Variants in ZNF676 observed in about 807,000 individuals in gnomAD.
The protein encoded by ZNF676 is zinc finger protein 676.
In ZNF676, 4 loss-of-function variants were observed where a neutral mutation model predicts 6.0. The observed-to-expected ratio is 0.67, with a 90% CI of 0.33 to 1.53. ZNF676 has a LOEUF of 1.53. Among genes scored for constraint, ZNF676 ranks in the 40% most tolerant of loss-of-function variants. The probability of loss-of-function intolerance (pLI) is 0.06; values close to 1 mark genes in which losing one functional copy is unlikely to be tolerated. For synonymous variants in ZNF676, 198 were observed against 223.1 expected, an observed-to-expected ratio of 0.89 and a Z score of 1.00; for missense variants, 644 against 679.7, an observed-to-expected ratio of 0.95 and a Z score of 0.58.
chr19:22,253,862 C>G, the ZNF676 span, among the ~76,000 whole-genome samples: 1 of 152,104 alleles, frequency 6.6e-6, no homozygotes, highest in African/African-American at 2.4e-5. Context: ...TGTAATGACA[C>G]TTTCTGTACC....
chr19:22,233,311 A>G, the ZNF676 span, among the ~76,000 whole-genome samples: 2 of 143,096 alleles, frequency 1.4e-5, no homozygotes, highest in Non-Finnish European at 3.0e-5. Flanking sequence ...ACCCGGCCCA[A>G]TTTATTTTCT....
chr19:22,192,006 A>C (rs1278239545), intron 2 of ZNF676, among the ~76,000 whole-genome samples: 2 of 152,252 alleles, frequency 1.3e-5, no homozygotes, highest in African/African-American at 4.8e-5. Flanking sequence ...AAAATTTTTA[A>C]GTCACTGAAA....
chr19:22,211,815 T>C (rs1188309097), intron 1 of ZNF676, among the ~76,000 whole-genome samples: 1 of 152,210 alleles, frequency 6.6e-6, no homozygotes, highest in Non-Finnish European at 1.5e-5. Flanking sequence ...ATTAATTCTC[T>C]ATAGCCAAAA....
At chr19:22,223,489 G>T in the ZNF676 span, among the ~76,000 whole-genome samples, 1 of 150,604 alleles carries the variant, frequency 6.6e-6, no homozygotes, top group Non-Finnish European at 1.5e-5. Context: ...TTTTCTTGCT[G>T]TCGGGGGATA....
the ZNF676 span, among the ~76,000 whole-genome samples, chr19:22,240,324 G>A: frequency 6.6e-6 from 1 of 151,850 alleles, no homozygotes; most frequent in Non-Finnish European, 1.5e-5. Context: ...GCTGGGCCCA[G>A]TGATATGTCT....
chr19:22,242,580 T>C, the ZNF676 span, among the ~76,000 whole-genome samples: 3 of 151,998 alleles, frequency 2.0e-5, no homozygotes, highest in Non-Finnish European at 4.4e-5. Flanking sequence ...GGAGAAAAGA[T>C]TCACATAACT....
chr19:22,236,213 C>T, the ZNF676 span, among the ~76,000 whole-genome samples: 5 of 152,084 alleles, frequency 3.3e-5, no homozygotes, highest in East Asian at 9.7e-4. Context: ...CCTAATAGCC[C>T]TCACCCTACT....
At chr19:22,185,632 T>A (rs1208212235) in intron 2 of ZNF676, among the ~76,000 whole-genome samples, 3 of 151,940 alleles carry the variant, frequency 2.0e-5, no homozygotes, top group Non-Finnish European at 4.4e-5. Flanking sequence ...CTAAGAACCT[T>A]GAAAAAAGGT....
intron 1 of ZNF676, among the ~76,000 whole-genome samples, chr19:22,206,390 C>A (rs962775717): frequency 2.7e-4 from 41 of 152,122 alleles, no homozygotes; most frequent in Admixed American, 1.0e-3. Context: ...CTTCAACAAA[C>A]AGCTGGGCCC....
the ZNF676 span, chr19:22,245,126 T>C: frequency 2.0e-5 from 3 of 152,156 alleles, no homozygotes; most frequent in Non-Finnish European, 4.4e-5. Flanking sequence ...TCCAGTAATA[T>C]GTCAAAATTC....
intron 2 of ZNF676, among the ~76,000 whole-genome samples, chr19:22,187,573 A>G (rs1351832911): frequency 6.6e-6 from 1 of 152,056 alleles, no homozygotes; most frequent in Non-Finnish European, 1.5e-5. Context: ...CAGTGAATCC[A>G]GGAGCTATTT....
the ZNF676 span, among the ~76,000 whole-genome samples, chr19:22,257,433 T>A: frequency 6.6e-6 from 1 of 152,126 alleles, no homozygotes; most frequent in East Asian, 1.9e-4. Context: ...AAGAGGTGAG[T>A]CACATCACTA....
chr19:22,181,131 G>T lies in ZNF676; in HGVS notation c.586C>A (p.Pro196Thr), dbSNP rs2023741036. 4 of 1,613,766 alleles carry T rather than the reference G, an allele frequency of 2.5e-6. No individual in the cohort carries two copies. Among genetic ancestry groups the T allele is most frequent in the Non-Finnish European group, 3.4e-6 (4 of 1,179,928 alleles). The change falls in exon 3 of 3, where the codon CCC (proline) becomes ACC (threonine). Residue 196 changes from proline to threonine, a missense_variant. Physicochemically the swap from Pro to Thr is conservative, Grantham distance 38 (BLOSUM62 -1). This residue lies in a region of ZNF676 where 280 missense variants were observed against 269.3 expected (regional missense o/e 1.04). Coordinates refer to ENST00000397121, the MANE Select transcript of ZNF676 (RefSeq NM_001001411.3). ...TTGCCACATTCTTCACATTTGTAGG[G>T]TTTCTCTCCAGTATGAATACTCTTA... is the stretch of plus-strand genomic sequence containing the variant. ...YYKSIHTGEK[P>T]YKCEECGKAF...
chr19:22,254,949 G>A, the ZNF676 span, among the ~76,000 whole-genome samples: 675 of 152,322 alleles, frequency 4.4e-3, 4 homozygotes, highest in African/African-American at 0.014. Context: ...GGGAAGAGCT[G>A]TATGATACAA....
At chr19:22,200,901 C>T (rs553223295), upstream of ZNF676, among the ~76,000 whole-genome samples, 1 of 152,058 alleles carries the variant, frequency 6.6e-6, no homozygotes, top group South Asian at 2.1e-4. Context: ...ATTAGTTTAT[C>T]TCTTTGAGCC....
the ZNF676 span, among the ~76,000 whole-genome samples, chr19:22,242,255 A>C: frequency 2.6e-5 from 4 of 151,906 alleles, no homozygotes; most frequent in East Asian, 7.7e-4. Context: ...GTAAAATCAC[A>C]ATCATTTTTG....
upstream of ZNF676, among the ~76,000 whole-genome samples, chr19:22,198,674 C>A (rs7253425): frequency 7.2e-5 from 11 of 152,018 alleles, no homozygotes; most frequent in African/African-American, 2.2e-4. Flanking sequence ...GCAGAAGAAC[C>A]AAGACAGAAA....
chr19:22,193,854 G>T (rs2023939964), intron 1 of ZNF676, among the ~76,000 whole-genome samples: 1 of 152,102 alleles, frequency 6.6e-6, no homozygotes, highest in African/African-American at 2.4e-5. Context: ...AGCTAGTGTG[G>T]TTAATAATGG....
At position 22,179,301 on chromosome 19, in the gene ZNF676, T is replaced by G. The variant is rs2145771967; in HGVS notation, c.*649A>C. On this transcript the variant is annotated 3_prime_UTR_variant, in exon 3 of 3. Transcript: ENST00000397121. The stretch of plus-strand genomic sequence containing the variant: ...GTTTGTAGAGTCTCTCATGTATGAA[T>G]TAGCCTATGTTTCTTAAGAATTGAG... 1 of 179,994 alleles carries G rather than the reference T, an allele frequency of 5.6e-6. No homozygotes were observed. The highest frequency in any genetic ancestry group is 1.6e-4 in the East Asian group (1 of 6,170). The allele number at this position is 179,994 out of a possible 1,614,324, so 11.1% of individuals were successfully genotyped here. A position where few individuals can be genotyped will look rare whatever the true frequency, so the allele number is the denominator to read the frequency against.
Sources: allele counts gnomAD v4.1 joint callset (sites outside exome capture counted in the v4.1 genomes callset), GRCh38; gene constraint gnomAD v4.1.1; regional missense constraint gnomAD v4.1.1; transcripts MANE v1.5; gene names NCBI Gene and HGNC (gene_info 2026-07-23, HGNC 2026-07-21).